The following KNTC1 variants were observed in gnomAD, a reference collection of about 807,000 sequenced individuals.
KNTC1 encodes kinetochore associated 1, also known as kinetochore-associated protein 1.
KNTC1 carries 253 observed loss-of-function variants against 314.4 expected under a neutral mutation model. The ratio of observed to expected loss-of-function variants is 0.80; its 90% CI spans 0.73 to 0.89. The LOEUF is 0.89. Ranked by LOEUF, KNTC1 falls within the 40% of genes least tolerant of loss-of-function variation. The pLI is 0.00. For missense variants in KNTC1, 2,475 were observed against 2,572.9 expected (o/e 0.96, Z 0.82); for synonymous variants, 901 against 901.4 (o/e 1.00, Z 0.01).
chr12:122,547,176 G>A (rs1210100696), intron 10 of KNTC1, among the ~76,000 whole-genome samples: 1 of 151,830 alleles, frequency 6.6e-6, no homozygotes, highest in African/African-American at 2.4e-5. Flanking sequence ...CGTAGGCTAG[G>A]CGTGGTGGCT....
At chr12:122,588,574 T>G in intron 39 of KNTC1, 138 bp from the exon 40 acceptor site, 1 of 586,594 alleles carries the variant, frequency 1.7e-6, no homozygotes, top group Non-Finnish European at 2.7e-6. Flanking sequence ...CCCCCACCCC[T>G]TTCTAGCACT....
At position 122,580,627 on chromosome 12, in the gene KNTC1, G is replaced by A; in HGVS notation, c.2939G>A (p.Cys980Tyr). ...GACAATCTGCAGAAGAAGGACGAAT[G>A]TGAAGAAATGTTGAAACTATTTAAA... ...QKDNLQKKDECEEMLKLFKEV... is the reference protein window; with the variant it reads ...QKDNLQKKDEYEEMLKLFKEV... The change falls in exon 33 of 64, where the codon TGT becomes TAT. Residue 980 changes from cysteine (C) to tyrosine (Y), a missense_variant. Cys to Tyr is a radical substitution (Grantham distance 194). Coordinates refer to ENST00000333479, the MANE Select transcript of KNTC1 (RefSeq NM_014708.6). 1 of 1,571,638 alleles carries A rather than the reference G, an allele frequency of 6.4e-7. No individual in the cohort carries two copies. Among genetic ancestry groups the A allele is most frequent in the South Asian group, 1.2e-5 (1 of 84,546 alleles).
chr12:122,602,640 T>C lies in KNTC1; in HGVS notation c.4725T>C (p.Tyr1575=). 6.2e-7 allele frequency: 1 copy of C among 1,612,002 alleles called. No individual in the cohort carries two copies. The highest frequency in any genetic ancestry group is 8.5e-7 in the Non-Finnish European group (1 of 1,178,110). The stretch of plus-strand genomic sequence containing the variant: ...CTCCCGTGGATCTAGAATATCAGTA[T>C]ATGTTGGAACATGTCATAACTTTGC... The part of the protein sequence containing the change: ...ISPPVDLEYQ[Y]MLEHVITLPS... Residue 1575 remains tyrosine (Y), a synonymous_variant, in exon 46 of 64, where the codon TAT becomes TAC. Transcript: ENST00000333479.
At chr12:122,619,809 A>G (rs1252429062) in intron 59 of KNTC1, among the ~76,000 whole-genome samples, 1 of 152,188 alleles carries the variant, frequency 6.6e-6, no homozygotes, top group African/African-American at 2.4e-5. Flanking sequence ...TAAAATGAGT[A>G]CCTACTGTAT....
In KNTC1 at chr12:122,547,874, A is replaced by G. The variant is rs975097388; in HGVS notation, c.933-41A>G. 4.1e-6 allele frequency: 5 copies of G among 1,210,826 alleles called. 1 individual carries two copies. Among genetic ancestry groups the G allele is most frequent in the African/African-American group, 3.1e-5 (2 of 64,138 alleles). 75.0% of individuals were successfully genotyped at this position (1,210,826 alleles called of 1,614,324 possible). A position where few individuals can be genotyped will look rare whatever the true frequency, so the allele number is the denominator to read the frequency against. On this transcript the variant is annotated intron_variant, in intron 11 of 63. Coordinates refer to ENST00000333479, the MANE Select transcript of KNTC1 (RefSeq NM_014708.6). Reference sequence around the variant, plus strand: ...TAATATTGTATGTTTTTGTTGTGTAAAAGTTTACTTGAATTATTTAAAGGT... The same window carrying G: ...TAATATTGTATGTTTTTGTTGTGTAGAAGTTTACTTGAATTATTTAAAGGT...
At chr12:122,572,088 A>G (rs1184759045) in intron 24 of KNTC1, among the ~76,000 whole-genome samples, 2 of 152,084 alleles carry the variant, frequency 1.3e-5, no homozygotes, top group Non-Finnish European at 1.5e-5. Flanking sequence ...GCATTTCACA[A>G]TCCTTTGAAA....
Position 122,594,307 on chromosome 12 carries a change from T to A in KNTC1, c.4277T>A (p.Phe1426Tyr). Reference sequence around the variant, plus strand: ...TTTCAACCAGTTTTCAGGCAACATTTTCTCACCAAGAAAGACCTCATTAAA... The same window carrying A: ...TTTCAACCAGTTTTCAGGCAACATTATCTCACCAAGAAAGACCTCATTAAA... ...ISFQPVFRQH[F>Y]LTKKDLIKAL... The change falls in exon 43 of 64, where the codon TTT becomes TAT. Residue 1426 changes from phenylalanine (F) to tyrosine (Y), a missense_variant. Physicochemically the swap from Phe to Tyr is conservative, Grantham distance 22. Transcript: ENST00000333479. The A allele has an allele frequency of 6.2e-7, 1 of 1,610,450 alleles. No individual in the cohort carries two copies. Among genetic ancestry groups the A allele is most frequent in the Non-Finnish European group, 8.5e-7 (1 of 1,177,284 alleles).
intron 2 of KNTC1, among the ~76,000 whole-genome samples, chr12:122,533,256 T>C (rs1961522108): frequency 6.6e-6 from 1 of 151,734 alleles, no homozygotes; most frequent in African/African-American, 2.4e-5. Flanking sequence ...AACCTCTGCC[T>C]CTCGGGTTCA....
chr12:122,549,825 A>G lies in KNTC1; in HGVS notation c.1047A>G (p.Val349=), dbSNP rs1327872005. The G allele has an allele frequency of 3.8e-6, 6 of 1,575,068 alleles. No individual in the cohort carries two copies. The African/African-American group carries it at 6.7e-5, about 18-fold the overall frequency. ...PTMEILYSLE[V]SSVSSLVQTG... is the part of the protein sequence containing the mutation. ...TGGAAATACTATATTCTTTGGAAGT[A>G]TCTAGTGTTTCTTCTCTGGTCCAAA... The change falls in exon 13 of 64, where the codon GTA becomes GTG. Residue 349 remains valine (V), a synonymous_variant. Coordinates refer to ENST00000333479, the MANE Select transcript of KNTC1 (RefSeq NM_014708.6).
chr12:122,549,605 A>G (rs1963047198), intron 12 of KNTC1, among the ~76,000 whole-genome samples, 161 bp from the exon 13 acceptor site: 1 of 151,970 alleles, frequency 6.6e-6, no homozygotes, highest in Non-Finnish European at 1.5e-5. Flanking sequence ...AGCTCAGGCA[A>G]TCCGCCTGCC....
At chr12:122,608,878 T>C (rs1019237744) in intron 51 of KNTC1, among the ~76,000 whole-genome samples, 5 of 151,980 alleles carry the variant, frequency 3.3e-5, no homozygotes, top group Non-Finnish European at 7.4e-5. Flanking sequence ...AGCAGCATAG[T>C]GAGACCCCCA....
intron 3 of KNTC1, 61 bp from the exon 4 acceptor site, chr12:122,538,274 ATTTT>A (rs960491705): frequency 2.1e-6 from 2 of 948,996 alleles, no homozygotes; most frequent in African/African-American, 1.7e-5. Flanking sequence ...AAAAATTTGT[ATTTT>A]TTTTGTATTG....
At chr12:122,570,570 ATAACT>A (rs1279975053) in intron 22 of KNTC1, among the ~76,000 whole-genome samples, 5 of 152,074 alleles carry the variant, frequency 3.3e-5, no homozygotes, top group African/African-American at 7.2e-5. Flanking sequence ...AGAGTCAATA[ATAACT>A]TAATTCTATA....
rs7960674 is a variant in KNTC1, at chr12:122,604,662, G to A, written c.5175+25G>A. 10,537 of 1,484,434 alleles carry A rather than the reference G, an allele frequency of 7.1e-3. 633 individuals are homozygous for A. In the African/African-American group the frequency reaches 0.13, roughly 18 times the overall value. The allele number at this position is 1,484,434 out of a possible 1,614,324, so 92.0% of individuals were successfully genotyped here. A position where few individuals can be genotyped will look rare whatever the true frequency, so the allele number is the denominator to read the frequency against. The stretch of plus-strand genomic sequence containing the variant: ...GGTGTGTCTGAACTATCAGATTGGC[G>A]GCTTCTCTTCTTCCTAATTAAATTG... On this transcript the variant is annotated intron_variant, in intron 49 of 63. Coordinates refer to ENST00000333479, the MANE Select transcript of KNTC1 (RefSeq NM_014708.6).
At position 122,622,602 on chromosome 12, in the gene KNTC1, C is replaced by G. The variant is rs763204458; in HGVS notation, c.6510C>G (p.Asp2170Glu). ...AGCTAGTGAACTATTTGGCAAATGA[C>G]TTAAGGTAAGTTAATTAAAAAAAAA... is the stretch of plus-strand genomic sequence containing the variant. Reference protein sequence around the residue: ...ITELVNYLANDLSLDEASVLI... With the variant: ...ITELVNYLANELSLDEASVLI... Residue 2170 changes from aspartate to glutamate, a missense_variant, in exon 62 of 64, where the codon GAC (aspartate) becomes GAG (glutamate). Physicochemically the swap from Asp to Glu is conservative, Grantham distance 45. Transcript: ENST00000333479. The G allele has an allele frequency of 2.6e-6, 4 of 1,511,756 alleles. No homozygotes were observed. Among genetic ancestry groups the G allele is most frequent in the Non-Finnish European group, 3.5e-6 (4 of 1,131,392 alleles). 93.6% of individuals were successfully genotyped at this position (1,511,756 alleles called of 1,614,324 possible).
chr12:122,602,688 G>A lies in KNTC1; in HGVS notation c.4773G>A (p.Leu1591=), dbSNP rs761759209. ...ITLPSAAQTR[L]PFHLIFFGTA... Reference sequence around the variant, plus strand: ...TGCCATCAGCTGCCCAAACTAGACTGCCTTTTCACCTGATATTCTTTGGCA... The same window carrying A: ...TGCCATCAGCTGCCCAAACTAGACTACCTTTTCACCTGATATTCTTTGGCA... The change falls in exon 46 of 64, where the codon CTG becomes CTA. Residue 1591 remains leucine, a synonymous_variant. Transcript: ENST00000333479. 6.2e-7 allele frequency: 1 copy of A among 1,613,906 alleles called. No individual in the cohort carries two copies. The highest frequency in any genetic ancestry group is 1.1e-5 in the South Asian group (1 of 91,074).
intron 9 of KNTC1, among the ~76,000 whole-genome samples, 165 bp from the exon 10 acceptor site, chr12:122,546,457 G>C (rs1467408454): frequency 6.6e-6 from 1 of 152,120 alleles, no homozygotes; most frequent in Non-Finnish European, 1.5e-5. Context: ...CATTTTGGGA[G>C]GTTTTACATT....
intron 33 of KNTC1, among the ~76,000 whole-genome samples, chr12:122,581,173 A>AT (rs1206659782): frequency 6.7e-6 from 1 of 148,836 alleles, no homozygotes; most frequent in Non-Finnish European, 1.5e-5. Flanking sequence ...CAATTCAATG[A>AT]TTTTTTTGTT....
intron 26 of KNTC1, 106 bp downstream of exon 26, chr12:122,573,391 T>A: frequency 1.0e-6 from 1 of 1,004,902 alleles, no homozygotes; most frequent in Non-Finnish European, 1.5e-6. Flanking sequence ...TCAGTAGGAC[T>A]CATGCAGCAT....
Sources: gnomAD v4.1 joint callset for allele counts (sites outside exome capture counted in the v4.1 genomes callset) on GRCh38, gnomAD v4.1.1 for gene constraint, MANE v1.5 for transcripts, NCBI Gene and HGNC (gene_info 2026-07-23, HGNC 2026-07-21) for gene names.